Variants in SLC4A10 observed in about 807,000 individuals in gnomAD.
SLC4A10 encodes the protein sodium-driven chloride bicarbonate exchanger.
SLC4A10 carries 42 observed loss-of-function variants against 137.7 expected under a neutral mutation model. The observed-to-expected ratio is 0.30, with a 90% CI of 0.24 to 0.39. SLC4A10 has a LOEUF of 0.39. SLC4A10 is among the 10% of genes least tolerant of loss of function. The probability of loss-of-function intolerance (pLI) is 1.00; values close to 1 mark genes in which losing one functional copy is unlikely to be tolerated. For synonymous variants in SLC4A10, 474 were observed against 464.1 expected (o/e 1.02, Z -0.27); for missense variants, 925 against 1,355.0 (o/e 0.68, Z 4.98).
intron 1 of SLC4A10, among the ~76,000 whole-genome samples, chr2:161,711,545 C>A (rs1048676450): frequency 6.6e-6 from 1 of 151,760 alleles, no homozygotes; most frequent in Non-Finnish European, 1.5e-5. Context: ...CTCTTTCATT[C>A]CAATATGTTT....
At chr2:161,876,768 G>C (rs561037111) in intron 8 of SLC4A10, among the ~76,000 whole-genome samples, 1 of 151,974 alleles carries the variant, frequency 6.6e-6, no homozygotes, top group Non-Finnish European at 1.5e-5. Context: ...ACAAAATATA[G>C]GGTTGCCCCA....
At chr2:161,667,757 G>C (rs1346729986) in intron 1 of SLC4A10, among the ~76,000 whole-genome samples, 1 of 151,440 alleles carries the variant, frequency 6.6e-6, no homozygotes, top group Non-Finnish European at 1.5e-5. Context: ...CTCTTCTTTT[G>C]GACTTGTTTT....
chr2:161,782,374 T>C (rs1367478262), intron 2 of SLC4A10, among the ~76,000 whole-genome samples: 2 of 151,952 alleles, frequency 1.3e-5, no homozygotes, highest in African/African-American at 2.4e-5. Flanking sequence ...TTGGTGGGGA[T>C]CTTCCATATA....
chr2:161,909,121 T>C (rs1685198608), intron 15 of SLC4A10, among the ~76,000 whole-genome samples: 1 of 146,920 alleles, frequency 6.8e-6, no homozygotes, highest in Non-Finnish European at 1.5e-5. Context: ...TTAGGAGATA[T>C]ACCTAATGCT....
At chr2:161,739,629 A>G (rs1311088951) in intron 1 of SLC4A10, among the ~76,000 whole-genome samples, 3 of 152,088 alleles carry the variant, frequency 2.0e-5, no homozygotes, top group Non-Finnish European at 4.4e-5. Context: ...GCACCCCCAT[A>G]CTTACCGGCA....
At chr2:161,976,297 T>C (rs2105984118) in intron 24 of SLC4A10, among the ~76,000 whole-genome samples, 1 of 152,316 alleles carries the variant, frequency 6.6e-6, no homozygotes, top group East Asian at 1.9e-4. Context: ...AATTCTGACA[T>C]ATGCTACAAC....
intron 2 of SLC4A10, among the ~76,000 whole-genome samples, chr2:161,800,220 T>A (rs2055225672): frequency 6.6e-6 from 1 of 152,100 alleles, no homozygotes; most frequent in Non-Finnish European, 1.5e-5. Flanking sequence ...TTCTCTGTAG[T>A]TCCACATCAT....
intron 15 of SLC4A10, among the ~76,000 whole-genome samples, chr2:161,915,991 T>C (rs1397786436): frequency 1.3e-5 from 2 of 152,118 alleles, no homozygotes; most frequent in Non-Finnish European, 2.9e-5. Context: ...TCCAAACTTA[T>C]AGAAGAGACC....
rs199904335 is a variant in SLC4A10 at position 161,974,281 on chromosome 2, G to C, written c.3192G>C (p.Glu1064Asp). Residue 1064 changes from glutamate to aspartate, a missense_variant, in exon 24 of 27, where the codon GAG (glutamate) becomes GAC (aspartate). Transcript: ENST00000446997. Reference protein sequence around the residue: ...EEQSMLAMEDEGTVQLPLEGH... With the variant: ...EEQSMLAMEDDGTVQLPLEGH... ...AAAGTATGCTAGCTATGGAAGATGAGGGCACAGTACAACTCCCATTGGAAG... is the reference window on the plus strand; with the variant it reads ...AAAGTATGCTAGCTATGGAAGATGACGGCACAGTACAACTCCCATTGGAAG... The C allele has an allele frequency of 6.2e-7, 1 of 1,608,392 alleles. No homozygotes were observed. The highest frequency in any genetic ancestry group is 8.5e-7 in the Non-Finnish European group (1 of 1,177,478).
chr2:161,632,889 T>G (rs2033814668), intron 1 of SLC4A10, among the ~76,000 whole-genome samples: 1 of 151,654 alleles, frequency 6.6e-6, no homozygotes, highest in Admixed American at 6.6e-5. Context: ...GGAGACTAAG[T>G]TTTGCCATAA....
intron 2 of SLC4A10, among the ~76,000 whole-genome samples, chr2:161,780,710 C>T (rs933386092): frequency 2.0e-5 from 3 of 151,874 alleles, no homozygotes; most frequent in African/African-American, 7.3e-5. Flanking sequence ...AGATCTCACT[C>T]TCAGGGAAAA....
At chr2:161,851,271 T>C (rs1559387254) in intron 4 of SLC4A10, among the ~76,000 whole-genome samples, 1 of 152,174 alleles carries the variant, frequency 6.6e-6, no homozygotes, top group Non-Finnish European at 1.5e-5. Flanking sequence ...CTCTTGTTAG[T>C]ATTCTGCCTC....
At chr2:161,845,211 C>G (rs2059417412) in intron 4 of SLC4A10, among the ~76,000 whole-genome samples, 1 of 152,012 alleles carries the variant, frequency 6.6e-6, no homozygotes, top group Non-Finnish European at 1.5e-5. Context: ...TTTAAAAGAA[C>G]AGAAAAGAGA....
At chr2:161,858,952 C>G (rs1357082543) in intron 5 of SLC4A10, among the ~76,000 whole-genome samples, 1 of 152,138 alleles carries the variant, frequency 6.6e-6, no homozygotes, top group Non-Finnish European at 1.5e-5. Context: ...CTGTGACAAT[C>G]CTTGGTCTGA....
chr2:161,691,079 T>C (rs2041941876), intron 1 of SLC4A10, among the ~76,000 whole-genome samples: 2 of 152,154 alleles, frequency 1.3e-5, no homozygotes, highest in African/African-American at 4.8e-5. Context: ...TACATATCTT[T>C]TGAATTGTGC....
intron 1 of SLC4A10, among the ~76,000 whole-genome samples, chr2:161,744,813 A>G (rs1376119686): frequency 6.6e-6 from 1 of 150,662 alleles, no homozygotes; most frequent in Non-Finnish European, 1.5e-5. Context: ...TGTCTTAAAA[A>G]GATATTGTAG....
intron 16 of SLC4A10, among the ~76,000 whole-genome samples, chr2:161,944,853 A>G (rs1001596065): frequency 6.6e-6 from 1 of 151,594 alleles, no homozygotes; most frequent in African/African-American, 2.4e-5. Flanking sequence ...TAATGTCATC[A>G]AAAATATTTT....
At chr2:161,853,562 A>G (rs2059941595) in intron 4 of SLC4A10, among the ~76,000 whole-genome samples, 1 of 152,228 alleles carries the variant, frequency 6.6e-6, no homozygotes, top group South Asian at 2.1e-4. Context: ...ACCAGTTATG[A>G]CATGATATGA....
intron 21 of SLC4A10, among the ~76,000 whole-genome samples, chr2:161,961,662 A>G (rs1163918700): frequency 1.3e-5 from 2 of 151,948 alleles, no homozygotes; most frequent in African/African-American, 2.4e-5. Flanking sequence ...AGAGTTTAAG[A>G]AACAATGTAA....
Sources: allele counts gnomAD v4.1 joint callset (sites outside exome capture counted in the v4.1 genomes callset), GRCh38; gene constraint gnomAD v4.1.1; transcripts MANE v1.5; gene names NCBI Gene and HGNC (gene_info 2026-07-23, HGNC 2026-07-21).